The following RBFOX2 variants were observed in gnomAD, a reference collection of about 807,000 sequenced individuals.
RBFOX2 encodes the protein RNA binding protein fox-1 homolog 2.
Under a neutral mutation model 49.1 loss-of-function variants are expected in RBFOX2, and 10 were observed. That is an observed-to-expected ratio of 0.20 (90% CI 0.13 to 0.35). The LOEUF is 0.35. RBFOX2 is among the 10% of genes least tolerant of loss of function. The pLI, the probability that RBFOX2 is intolerant of heterozygous loss-of-function variation, is 1.00. For missense variants in RBFOX2, 323 were observed against 486.9 expected (o/e 0.66, Z 3.17); for synonymous variants, 183 against 187.4 (o/e 0.98, Z 0.19).
intron 1 of RBFOX2, among the ~76,000 whole-genome samples, chr22:35,871,014 CTG>C (rs1439575524): frequency 3.3e-5 from 5 of 151,712 alleles, no homozygotes; most frequent in African/African-American, 1.2e-4. Flanking sequence ...ACTTTTGAAA[CTG>C]CCCACTTAAA....
chr22:35,907,925 G>C (rs5755985), intron 1 of RBFOX2, among the ~76,000 whole-genome samples: 11,849 of 152,134 alleles, frequency 0.078, 485 homozygotes, highest in South Asian at 0.086. Context: ...GGAATTACAG[G>C]TGTGAGCCAC....
At chr22:35,977,841 G>A (rs1209907243) in intron 1 of RBFOX2, among the ~76,000 whole-genome samples, 3 of 145,074 alleles carry the variant, frequency 2.1e-5, no homozygotes, top group Admixed American at 7.0e-5. Context: ...TCCCCCTTCC[G>A]TCACAGAGGA....
At chr22:35,886,985 A>G (rs1489505658) in intron 1 of RBFOX2, among the ~76,000 whole-genome samples, 1 of 152,174 alleles carries the variant, frequency 6.6e-6, no homozygotes, top group Admixed American at 6.5e-5. Context: ...CGTCTTGTCA[A>G]TATGTGTGCT....
At chr22:35,873,522 C>T (rs1194175263) in intron 1 of RBFOX2, among the ~76,000 whole-genome samples, 1 of 152,194 alleles carries the variant, frequency 6.6e-6, no homozygotes, top group African/African-American at 2.4e-5. Context: ...TACAATAGTA[C>T]TAGTGACAAT....
chr22:35,776,999 G>A (rs1476765813), intron 4 of RBFOX2, among the ~76,000 whole-genome samples: 2 of 151,258 alleles, frequency 1.3e-5, no homozygotes, highest in Admixed American at 6.6e-5. Context: ...ATTTAAAATA[G>A]TAAATAGGGG....
At chr22:35,775,425 G>A (rs1943634980) in intron 4 of RBFOX2, among the ~76,000 whole-genome samples, 1 of 152,230 alleles carries the variant, frequency 6.6e-6, no homozygotes, top group South Asian at 2.1e-4. Context: ...AAATGGGGCA[G>A]TGAGGACACA....
At chr22:35,860,259 T>C (rs1447557741) in intron 1 of RBFOX2, among the ~76,000 whole-genome samples, 1 of 152,118 alleles carries the variant, frequency 6.6e-6, no homozygotes, top group Non-Finnish European at 1.5e-5. Context: ...TGCTACTCTC[T>C]GGAACCCCGA....
chr22:35,810,233 G>A (rs1222667371), intron 1 of RBFOX2, among the ~76,000 whole-genome samples: 1 of 143,818 alleles, frequency 7.0e-6, no homozygotes, highest in Non-Finnish European at 1.5e-5. Context: ...ACTCACTTTT[G>A]TTAATGTGTA....
intron 1 of RBFOX2, among the ~76,000 whole-genome samples, chr22:35,824,653 C>T (rs1378183601): frequency 6.6e-6 from 1 of 152,124 alleles, no homozygotes; most frequent in African/African-American, 2.4e-5. Context: ...AGGTGGCCTG[C>T]GGAAGACAGA....
chr22:35,740,764 C>T (rs181584791), exon 12 of RBFOX2: 2 of 152,412 alleles, frequency 1.3e-5, no homozygotes, highest in Admixed American at 1.3e-4. Flanking sequence ...CTTGCATATC[C>T]TTGGGGTTGC....
intron 1 of RBFOX2, among the ~76,000 whole-genome samples, chr22:35,986,599 T>C (rs1437522466): frequency 6.6e-6 from 1 of 152,216 alleles, no homozygotes; most frequent in East Asian, 1.9e-4. Context: ...AGAACATGCA[T>C]ATTTTATTTA....
chr22:35,750,534 C>T (rs997950386), intron 9 of RBFOX2: 19 of 1,129,046 alleles, frequency 1.7e-5, no homozygotes, highest in East Asian at 2.4e-5. Context: ...AGGGCACACA[C>T]GGACGGCTTT....
At chr22:35,847,300 T>C (rs983939596) in intron 1 of RBFOX2, among the ~76,000 whole-genome samples, 1 of 152,234 alleles carries the variant, frequency 6.6e-6, no homozygotes, top group Admixed American at 6.5e-5. Flanking sequence ...AACTTTCTGT[T>C]GAAGAGAACT....
At chr22:35,890,469 TG>T (rs2047108583) in intron 1 of RBFOX2, among the ~76,000 whole-genome samples, 1 of 152,190 alleles carries the variant, frequency 6.6e-6, no homozygotes, top group African/African-American at 2.4e-5. Context: ...TACACGAATG[TG>T]GTTTCTTTAT....
At chr22:35,872,441 T>C (rs887649795) in intron 1 of RBFOX2, among the ~76,000 whole-genome samples, 1 of 152,240 alleles carries the variant, frequency 6.6e-6, no homozygotes, top group East Asian at 1.9e-4. Flanking sequence ...GAGGGCTTTC[T>C]GTATCCCGGG....
In RBFOX2 at chr22:35,906,169, G is replaced by A. The variant is rs576681529; in HGVS notation, c.-34+32678C>T. 1.2e-4 allele frequency among the ~76,000 whole-genome samples: 18 copies of A among 152,252 alleles called. No homozygotes were observed. In the Middle Eastern group the frequency reaches 0.017, roughly 144 times the overall value. The stretch of plus-strand genomic sequence containing the variant: ...TGGAAAAAAGAAAGGTTTAGCAATG[G>A]TTTTAAAACCAGTGGTTTTTTAAAT... On this transcript the variant is annotated intron_variant, in intron 1 of 13. Coordinates refer to the RBFOX2 transcript ENST00000359369.
At chr22:35,852,751 ATGAC>A (rs1569392825) in intron 1 of RBFOX2, among the ~76,000 whole-genome samples, 1 of 152,224 alleles carries the variant, frequency 6.6e-6, no homozygotes, top group Non-Finnish European at 1.5e-5. Context: ...ATAATGAACT[ATGAC>A]TGACTAACTT....
At chr22:35,776,833 G>C (rs944021190) in intron 4 of RBFOX2, among the ~76,000 whole-genome samples, 8 of 151,832 alleles carry the variant, frequency 5.3e-5, no homozygotes, top group African/African-American at 1.9e-4. Context: ...TTAATAAGCA[G>C]TGAGAAAACT....
At chr22:35,963,246 G>A (rs2056358295), upstream of RBFOX2, among the ~76,000 whole-genome samples, 1 of 152,046 alleles carries the variant, frequency 6.6e-6, no homozygotes, top group South Asian at 2.1e-4. Flanking sequence ...AAACAGCAAA[G>A]GATGAAGCAC....
Sources: gnomAD v4.1 joint callset for allele counts (sites outside exome capture counted in the v4.1 genomes callset) on GRCh38, gnomAD v4.1.1 for gene constraint, MANE v1.5 for transcripts, NCBI Gene and HGNC (gene_info 2026-07-23, HGNC 2026-07-21) for gene names.